The following ENTREP2 variants were observed in gnomAD, a reference collection of about 807,000 sequenced individuals.
ENTREP2 encodes protein ENTREP2.
At chr15:29,128,268 C>G in the ENTREP2 span, among the ~76,000 whole-genome samples, 2 of 152,154 alleles carry the variant, frequency 1.3e-5, no homozygotes, top group African/African-American at 4.8e-5. Flanking sequence ...GACCACCTCC[C>G]CCGCCCCGGC....
chr15:29,339,317 GA>G, the ENTREP2 span, among the ~76,000 whole-genome samples: 1 of 152,260 alleles, frequency 6.6e-6, no homozygotes, highest in Non-Finnish European at 1.5e-5. Context: ...AAATAAGGGA[GA>G]AACAGCAGGG....
chr15:29,216,302 G>A, the ENTREP2 span, among the ~76,000 whole-genome samples: 3 of 152,174 alleles, frequency 2.0e-5, no homozygotes, highest in Non-Finnish European at 2.9e-5. Flanking sequence ...GCCCTGATCC[G>A]TTTTAGCTTG....
the ENTREP2 span, among the ~76,000 whole-genome samples, chr15:29,297,856 A>C: frequency 6.6e-6 from 1 of 152,230 alleles, no homozygotes; most frequent in African/African-American, 2.4e-5. Context: ...TTAAGATAAA[A>C]GGAGACAAAA....
chr15:29,371,361 C>CACACACACACACAA, the ENTREP2 span, among the ~76,000 whole-genome samples: 1 of 150,334 alleles, frequency 6.7e-6, no homozygotes, highest in East Asian at 1.9e-4. Flanking sequence ...CACACACACA[C>CACACACACACACAA]ACACACACAC....
chr15:29,506,267 CAAA>C, the ENTREP2 span, among the ~76,000 whole-genome samples: 1 of 151,984 alleles, frequency 6.6e-6, no homozygotes, highest in Non-Finnish European at 1.5e-5. Context: ...GTGAAAAGAC[CAAA>C]CCTACGATTG....
the ENTREP2 span, among the ~76,000 whole-genome samples, chr15:29,568,168 T>A: frequency 6.6e-6 from 1 of 152,232 alleles, no homozygotes; most frequent in South Asian, 2.1e-4. Context: ...TGTACCGTAC[T>A]GAAAGAACTT....
the ENTREP2 span, among the ~76,000 whole-genome samples, chr15:29,444,130 A>C: frequency 2.9e-4 from 34 of 117,326 alleles, 3 homozygotes; most frequent in Admixed American, 1.9e-3. Flanking sequence ...GACAGAAAGA[A>C]AGACAGACAG....
the ENTREP2 span, among the ~76,000 whole-genome samples, chr15:29,158,004 A>T: frequency 6.6e-6 from 1 of 152,224 alleles, no homozygotes; most frequent in African/African-American, 2.4e-5. Flanking sequence ...GACGTGAGCC[A>T]CTGCTCCCGG....
the ENTREP2 span, among the ~76,000 whole-genome samples, chr15:29,177,189 A>C: frequency 2.0e-5 from 3 of 152,018 alleles, no homozygotes; most frequent in Non-Finnish European, 4.4e-5. Flanking sequence ...CGGCTGGGGG[A>C]GGATGGCAGG....
chr15:29,355,876 C>T, the ENTREP2 span, among the ~76,000 whole-genome samples: 18 of 152,040 alleles, frequency 1.2e-4, no homozygotes, highest in East Asian at 2.9e-3. Context: ...AGGGGTCCCA[C>T]GAAGAGGAGG....
At chr15:29,347,803 T>C in the ENTREP2 span, among the ~76,000 whole-genome samples, 1 of 152,154 alleles carries the variant, frequency 6.6e-6, no homozygotes, top group Non-Finnish European at 1.5e-5. Context: ...CAGCAGCAAC[T>C]GCAACACTCA....
chr15:29,291,288 C>T, the ENTREP2 span, among the ~76,000 whole-genome samples: 5 of 152,180 alleles, frequency 3.3e-5, no homozygotes, highest in African/African-American at 7.2e-5. Context: ...CTCATCCTGA[C>T]GATCTTCTGT....
At chr15:29,334,866 C>T in the ENTREP2 span, among the ~76,000 whole-genome samples, 1 of 152,192 alleles carries the variant, frequency 6.6e-6, no homozygotes, top group Admixed American at 6.5e-5. Context: ...AGCCCAGGTA[C>T]CCACATGGAG....
the ENTREP2 span, among the ~76,000 whole-genome samples, chr15:29,441,681 C>T: frequency 1.3e-5 from 2 of 152,098 alleles, no homozygotes; most frequent in Admixed American, 1.3e-4. Flanking sequence ...AGAAATTACA[C>T]AAGTATTTAC....
chr15:29,264,508 G>A, the ENTREP2 span, among the ~76,000 whole-genome samples: 1 of 152,092 alleles, frequency 6.6e-6, no homozygotes, highest in Non-Finnish European at 1.5e-5. Context: ...CACCTGATAG[G>A]ATCCAAAAAT....
the ENTREP2 span, among the ~76,000 whole-genome samples, chr15:29,157,383 C>T: frequency 2.0e-5 from 3 of 152,194 alleles, no homozygotes; most frequent in Non-Finnish European, 4.4e-5. Flanking sequence ...CGCAGGCTCC[C>T]TACAGAAGAG....
the ENTREP2 span, among the ~76,000 whole-genome samples, chr15:29,516,138 A>G: frequency 6.6e-6 from 1 of 152,078 alleles, no homozygotes; most frequent in Non-Finnish European, 1.5e-5. Context: ...GATCAATTAA[A>G]TCAGATTGCA....
At chr15:29,624,910 T>C in the ENTREP2 span, among the ~76,000 whole-genome samples, 6 of 150,212 alleles carry the variant, frequency 4.0e-5, no homozygotes, top group Admixed American at 6.6e-5. Context: ...TGTGTGTGTA[T>C]AGTTTTATGC....
the ENTREP2 span, among the ~76,000 whole-genome samples, chr15:29,155,106 C>T: frequency 2.1e-5 from 3 of 145,618 alleles, no homozygotes; most frequent in African/African-American, 4.9e-5. Flanking sequence ...CACGGTGAAA[C>T]CCCGTCTCTA....
Sources: gnomAD v4.1 joint callset for allele counts (sites outside exome capture counted in the v4.1 genomes callset) on GRCh38, gnomAD v4.1.1 for gene constraint, MANE v1.5 for transcripts, NCBI Gene and HGNC (gene_info 2026-07-23, HGNC 2026-07-21) for gene names.